PTH1R: variants seen among roughly 807,000 people sequenced by gnomAD.
PTH1R encodes the protein parathyroid hormone 1 receptor.
Under a neutral mutation model 70.7 loss-of-function variants are expected in PTH1R, and 32 were observed. That is an observed-to-expected ratio of 0.45 (90% CI 0.34 to 0.61). The LOEUF is 0.61. PTH1R is among the 20% of genes least tolerant of loss of function. The pLI is 0.01. For missense variants in PTH1R, 626 were observed against 792.5 expected (o/e 0.79, Z 2.52); for synonymous variants, 329 against 324.8 (o/e 1.01, Z -0.14).
rs143863124 is a variant in PTH1R, at chr3:46,898,085, C to T, written c.436C>T (p.Arg146Ter). 3 of 1,614,212 alleles carry T rather than the reference C, an allele frequency of 1.9e-6. No individual in the cohort carries two copies. Among genetic ancestry groups the T allele is most frequent in the South Asian group, 1.1e-5 (1 of 91,084 alleles). Residue 146 changes from arginine (R) to a stop codon, truncating the protein, a stop_gained, in exon 7 of 16, where the codon CGA becomes TGA. Coordinates refer to ENST00000449590, the MANE Select transcript of PTH1R (RefSeq NM_000316.3). LOFTEE classifies it high-confidence loss of function. ...YDFNHKGHAY[R>*]RCDRNGSWEL... ...CCATGGACCTGCAGGCCATGCCTAC[C>T]GACGCTGTGACCGCAATGGCAGCTG...
intron 1 of PTH1R, among the ~76,000 whole-genome samples, chr3:46,880,802 G>A (rs1030916057): frequency 6.6e-6 from 1 of 152,202 alleles, no homozygotes; most frequent in Non-Finnish European, 1.5e-5. Flanking sequence ...GAATGCACCT[G>A]GGAGTGCAGT....
chr3:46,899,419 G>A lies in PTH1R; in HGVS notation c.951G>A (p.Glu317=). The A allele has an allele frequency of 6.2e-7, 1 of 1,613,496 alleles. No homozygotes were observed. Among genetic ancestry groups the A allele is most frequent in the Non-Finnish European group, 8.5e-7 (1 of 1,179,958 alleles). Residue 317 remains glutamate (E), a synonymous_variant, in exon 10 of 16, where the codon GAG becomes GAA. Coordinates refer to ENST00000449590, the MANE Select transcript of PTH1R (RefSeq NM_000316.3). ...HSLIFMAFFS[E]KKYLWGFTVF... The stretch of plus-strand genomic sequence containing the variant: ...TCATCTTCATGGCCTTCTTCTCAGA[G>A]AAGAAGTACCTGTGGGGCTTCACAG...
chr3:46,903,208 C>T lies in PTH1R; in HGVS notation c.1396-62C>T, dbSNP rs372365992. ...CATTCCGTGCTGGGTGTCCAGGGGC[C>T]GGGATGGGGCATCGCTGGGGTTGGG... On this transcript the variant is annotated intron_variant, in intron 15 of 15. Transcript: ENST00000449590. This position sits in a 1 kb window ranked among gnomAD's most constrained non-coding sequence, Gnocchi z 4.4. The T allele has an allele frequency of 6.9e-6, 11 of 1,601,066 alleles. No individual in the cohort carries two copies. The highest frequency in any genetic ancestry group is 4.5e-5 in the East Asian group (2 of 44,168).
At position 46,893,953 on chromosome 3, in the gene PTH1R, T is replaced by C; in HGVS notation, c.122T>C (p.Leu41Pro). The change falls in exon 4 of 16, where the codon CTG (leucine) becomes CCG (proline). Residue 41 changes from leucine (L) to proline (P), a missense_variant. By Grantham distance (98) the Leu-to-Pro change is moderately conservative. This residue lies in a region of PTH1R where 123 missense variants were observed against 125.7 expected (regional missense o/e 0.98). Transcript: ENST00000449590. The surrounding 1 kb of genome is among the most constrained non-coding windows in gnomAD (Gnocchi z 5.2). ...VMTKEEQIFLLHRAQAQCEKR... is the reference protein window; with the variant it reads ...VMTKEEQIFLPHRAQAQCEKR... ...ACTAAAGAGGAACAGATCTTCCTGC[T>C]GCACCGTGCTCAGGCCCAGTGCGAA... is the stretch of plus-strand genomic sequence containing the variant. The C allele has an allele frequency of 6.2e-7, 1 of 1,614,166 alleles. No individual in the cohort carries two copies. The highest frequency in any genetic ancestry group is 8.5e-7 in the Non-Finnish European group (1 of 1,180,028).
chr3:46,884,690 G>C lies in PTH1R; in HGVS notation c.75+1056G>C, dbSNP rs2030905668. On this transcript the variant is annotated intron_variant, in intron 3 of 15. Coordinates refer to ENST00000449590, the MANE Select transcript of PTH1R (RefSeq NM_000316.3). This position sits in a 1 kb window ranked among gnomAD's most constrained non-coding sequence, Gnocchi z 4.8. Reference sequence around the variant, plus strand: ...GGCAGTCAGGCAGCCTCCTCCTCCTGACCAGCAGCAGCTCCCTACACGGGG... The same window carrying C: ...GGCAGTCAGGCAGCCTCCTCCTCCTCACCAGCAGCAGCTCCCTACACGGGG... Among the ~76,000 whole-genome samples, 1 of 152,128 alleles carries C rather than the reference G, an allele frequency of 6.6e-6. No individual in the cohort carries two copies. Among genetic ancestry groups the C allele is most frequent in the Non-Finnish European group, 1.5e-5 (1 of 68,006 alleles).
rs898530133 is a variant in PTH1R, at chr3:46,879,061, C to T, written c.-106+1218C>T. ...TACCAGTTAATGTGTGACACCCCCA[C>T]CCTCATGGTAGCACTTTAACCAGAG... On this transcript the variant is annotated intron_variant, in intron 1 of 15. Transcript: ENST00000449590. The surrounding 1 kb of genome is among the most constrained non-coding windows in gnomAD (Gnocchi z 4.7). 6.6e-6 allele frequency among the ~76,000 whole-genome samples: 1 copy of T among 152,226 alleles called. No homozygotes were observed. Among genetic ancestry groups the T allele is most frequent in the Non-Finnish European group, 1.5e-5 (1 of 68,046 alleles).
At position 46,902,595 on chromosome 3, in the gene PTH1R, A is replaced by G; in HGVS notation, c.1281A>G (p.Thr427=). ...FGVHYIVFMA[T]PYTEVSGTLW... is the part of the protein sequence containing the mutation. ...TCCACTACATTGTCTTCATGGCCAC[A>G]CCATACACCGAGGTCTCAGGGACGC... The change falls in exon 14 of 16, where the codon ACA becomes ACG. Residue 427 remains threonine, a synonymous_variant. Coordinates refer to ENST00000449590, the MANE Select transcript of PTH1R (RefSeq NM_000316.3). The surrounding 1 kb of genome is among the most constrained non-coding windows in gnomAD (Gnocchi z 5.4). 6.2e-7 allele frequency: 1 copy of G among 1,613,610 alleles called. No individual in the cohort carries two copies. The highest frequency in any genetic ancestry group is 8.5e-7 in the Non-Finnish European group (1 of 1,179,972).
intron 3 of PTH1R, among the ~76,000 whole-genome samples, chr3:46,890,223 T>C (rs1278180316): frequency 6.6e-6 from 1 of 152,144 alleles, no homozygotes; most frequent in Non-Finnish European, 1.5e-5. Context: ...CTGTAGTCCC[T>C]GCCCCCAGTC....
intron 4 of PTH1R, among the ~76,000 whole-genome samples, chr3:46,894,293 G>C (rs988463435): frequency 6.6e-6 from 1 of 152,130 alleles, no homozygotes; most frequent in African/African-American, 2.4e-5. Context: ...CAACTGAAGA[G>C]GCCCAGACCC....
In PTH1R at chr3:46,883,774, G is replaced by A; in HGVS notation, c.75+140G>A. 1 of 962,104 alleles carries A rather than the reference G, an allele frequency of 1.0e-6. No homozygotes were observed. The highest frequency in any genetic ancestry group is 1.6e-5 in the African/African-American group (1 of 60,930). 59.6% of individuals were successfully genotyped at this position (962,104 alleles called of 1,614,324 possible). The stretch of plus-strand genomic sequence containing the variant: ...GAGTCCCCTCTGATCCAGGATCCTG[G>A]GTGCCTGCTGTCTCTGGGATGTCTG... On this transcript the variant is annotated intron_variant, in intron 3 of 15. Coordinates refer to ENST00000449590, the MANE Select transcript of PTH1R (RefSeq NM_000316.3). This position sits in a 1 kb window ranked among gnomAD's most constrained non-coding sequence, Gnocchi z 6.4.
At position 46,893,793 on chromosome 3, in the gene PTH1R, C is replaced by A; in HGVS notation, c.76-114C>A. ...ACATGCAGGGGAAATCCCACCTTCC[C>A]TCTAGAGTCAGGGCCTTTTGAAAGG... On this transcript the variant is annotated intron_variant, in intron 3 of 15. Transcript: ENST00000449590. This position sits in a 1 kb window ranked among gnomAD's most constrained non-coding sequence, Gnocchi z 5.2. The A allele has an allele frequency of 1.1e-6, 1 of 946,998 alleles. No homozygotes were observed. The highest frequency in any genetic ancestry group is 1.7e-6 in the Non-Finnish European group (1 of 596,036). The allele number at this position is 946,998 out of a possible 1,614,324, so 58.7% of individuals were successfully genotyped here.
intron 5 of PTH1R, among the ~76,000 whole-genome samples, chr3:46,897,623 C>T (rs944742009): frequency 2.6e-4 from 40 of 152,038 alleles, no homozygotes; most frequent in Admixed American, 1.6e-3. Context: ...CCCAGCTACT[C>T]GGGAGGCTGA....
intron 4 of PTH1R, 80 bp from the exon 5 acceptor site, chr3:46,895,655 G>A (rs1468704450): frequency 1.9e-6 from 3 of 1,608,638 alleles, no homozygotes; most frequent in Non-Finnish European, 2.5e-6. Context: ...GTACAAAGGG[G>A]GAGTCTGAGG....
Position 46,902,650 on chromosome 3 carries a change from C to T in PTH1R, c.1336C>T (p.Leu446Phe). ...LWQVQMHYEM[L>F]FNSFQGFFVA... ...GCAAGTCCAGATGCACTATGAGATG[C>T]TCTTCAACTCCTTCCAGGTGCGCAG... The change falls in exon 14 of 16, where the codon CTC (leucine) becomes TTC (phenylalanine). Residue 446 changes from leucine to phenylalanine, a missense_variant. By Grantham distance (22) the Leu-to-Phe change is conservative. This residue lies in a region of PTH1R where 495 missense variants were observed against 638.7 expected (regional missense o/e 0.77). Coordinates refer to ENST00000449590, the MANE Select transcript of PTH1R (RefSeq NM_000316.3). The surrounding 1 kb of genome is among the most constrained non-coding windows in gnomAD (Gnocchi z 5.4). 1 of 1,614,064 alleles carries T rather than the reference C, an allele frequency of 6.2e-7. No individual in the cohort carries two copies. Among genetic ancestry groups the T allele is most frequent in the Non-Finnish European group, 8.5e-7 (1 of 1,180,018 alleles).
In PTH1R at chr3:46,883,148, AAAAGAAAG is replaced by A. The variant is rs540920290; in HGVS notation, c.-48-340_-48-333del. On this transcript the variant is annotated intron_variant, in intron 2 of 15. Coordinates refer to ENST00000449590, the MANE Select transcript of PTH1R (RefSeq NM_000316.3). This position sits in a 1 kb window ranked among gnomAD's most constrained non-coding sequence, Gnocchi z 6.4. ...AGCTCCCATTTCCCCAAAAGAAAAAAAAAGAAAGAAAGAAAGAAAGAAAGAAAGAAAAG... is the reference window on the plus strand; with the variant it reads ...AGCTCCCATTTCCCCAAAAGAAAAAAAAAGAAAGAAAGAAAGAAAGAAAAG... Among the ~76,000 whole-genome samples the A allele has an allele frequency of 1.2e-3, 170 of 142,232 alleles. No individual in the cohort carries two copies. Among genetic ancestry groups the A allele is most frequent in the Admixed American group, 1.5e-3 (22 of 14,700 alleles). 93.3% of individuals were successfully genotyped at this position (142,232 alleles called of 152,430 possible).
intron 1 of PTH1R, among the ~76,000 whole-genome samples, chr3:46,880,047 C>T (rs1203904374): frequency 1.3e-5 from 2 of 152,158 alleles, no homozygotes; most frequent in African/African-American, 2.4e-5. Context: ...AGAAAAGAAA[C>T]AGAGGCATAA....
Position 46,883,550 on chromosome 3 carries a change from G to A in PTH1R, c.-10G>A, listed in dbSNP as rs1395696020. 1 of 1,533,162 alleles carries A rather than the reference G, an allele frequency of 6.5e-7. No individual in the cohort carries two copies. The highest frequency in any genetic ancestry group is 1.2e-5 in the South Asian group (1 of 83,624). The allele number at this position is 1,533,162 out of a possible 1,614,324, so 95.0% of individuals were successfully genotyped here. ...GGCTGCCCCGAGGGACGCGGCCCTA[G>A]GCGGTGGCGATGGGGACCGCCCGGA... On this transcript the variant is annotated 5_prime_UTR_variant, in exon 3 of 16. An upstream open reading frame in the 5' UTR loses its in-frame stop. Coordinates refer to ENST00000449590, the MANE Select transcript of PTH1R (RefSeq NM_000316.3). The surrounding 1 kb of genome is among the most constrained non-coding windows in gnomAD (Gnocchi z 6.4).
Position 46,895,881 on chromosome 3 carries a change from C to T in PTH1R, c.313+12C>T. 1 of 1,611,728 alleles carries T rather than the reference C, an allele frequency of 6.2e-7. No individual in the cohort carries two copies. Among genetic ancestry groups the T allele is most frequent in the Non-Finnish European group, 8.5e-7 (1 of 1,179,594 alleles). ...CAGCAGGTACCGAGGTACGTCTCTG[C>T]TTCCATGCATCCAGCTGGCATGGGC... On this transcript the variant is annotated intron_variant, in intron 5 of 15. Transcript: ENST00000449590.
Position 46,899,405 on chromosome 3 carries a change from G to C in PTH1R, c.937G>C (p.Ala313Pro), listed in dbSNP as rs1575522916. ...GLYLHSLIFM[A>P]FFSEKKYLWG... ...GTACCTGCACAGCCTCATCTTCATG[G>C]CCTTCTTCTCAGAGAAGAAGTACCT... The change falls in exon 10 of 16, where the codon GCC (alanine) becomes CCC (proline). Residue 313 changes from alanine to proline, a missense_variant. Transcript: ENST00000449590. 3 of 1,613,790 alleles carry C rather than the reference G, an allele frequency of 1.9e-6. No homozygotes were observed. The highest frequency in any genetic ancestry group is 2.5e-6 in the Non-Finnish European group (3 of 1,180,010).
Sources: allele counts gnomAD v4.1 joint callset (sites outside exome capture counted in the v4.1 genomes callset), GRCh38; gene constraint gnomAD v4.1.1; regional missense constraint gnomAD v4.1.1; non-coding constraint Gnocchi (gnomAD v3.1); transcripts MANE v1.5; gene names NCBI Gene and HGNC (gene_info 2026-07-23, HGNC 2026-07-21).